Variants in POTEJ observed in about 807,000 individuals in gnomAD.
POTEJ encodes POTE ankyrin domain family member J, also known as POTE ankyrin domain family, member J.
A neutral mutation model predicts 69.0 loss-of-function variants in POTEJ; 11 were observed. The observed-to-expected ratio is 0.16, with a 90% confidence interval of 0.10 to 0.26. POTEJ has a LOEUF of 0.26. POTEJ is among the 10% of genes least tolerant of loss of function. The pLI, the probability that POTEJ is intolerant of heterozygous loss-of-function variation, is 1.00. For synonymous variants in POTEJ, 117 were observed against 381.1 expected (o/e 0.31, Z 8.07); for missense variants, 327 against 1,045.5 (o/e 0.31, Z 9.48).
At chr2:130,641,821 C>A (rs1244930909) in intron 10 of POTEJ, among the ~76,000 whole-genome samples, 1 of 152,218 alleles carries the variant, frequency 6.6e-6, no homozygotes, top group African/African-American at 2.4e-5. Flanking sequence ...AGTAATAAGA[C>A]TTGTCAAAGA....
chr2:130,639,310 C>G (rs1686244265), intron 10 of POTEJ, among the ~76,000 whole-genome samples: 2 of 152,310 alleles, frequency 1.3e-5, no homozygotes, highest in Admixed American at 1.3e-4. Context: ...CACAAAAGAA[C>G]AGTGAAGCAC....
Position 130,648,795 on chromosome 2 carries a change from T to G in POTEJ, c.1667+2485T>G, listed in dbSNP as rs1468191995. On this transcript the variant is annotated intron_variant, in intron 13 of 14. Coordinates refer to ENST00000409602, the MANE Select transcript of POTEJ (RefSeq NM_001277083.2). ...TCTTTCTCATAGTTTTTTTTTTTTT[T>G]TTTTTTTTTTTTTTTAAGACAGAGT... Among the ~76,000 whole-genome samples the G allele has an allele frequency of 1.0e-3, 109 of 108,984 alleles. 1 individual carries two copies. Among genetic ancestry groups the G allele is most frequent in the Middle Eastern group, 4.3e-3 (1 of 234 alleles). The allele number at this position is 108,984 out of a possible 152,430, so 71.5% of individuals were successfully genotyped here.
At position 130,627,094 on chromosome 2, in the gene POTEJ, TGGATG is replaced by T. The variant is rs1573976615; in HGVS notation, c.1016-2854_1016-2850del. Among the ~76,000 whole-genome samples, 4 of 152,230 alleles carry T rather than the reference TGGATG, an allele frequency of 2.6e-5. No individual in the cohort carries two copies. In the East Asian group the frequency reaches 7.7e-4, roughly 29 times the overall value. The stretch of plus-strand genomic sequence containing the variant: ...CCAGGTTGTACAGTAGTATTTAACC[TGGATG>T]TGAGGAAGAAGGAGGAAATTTTCTG... On this transcript the variant is annotated intron_variant, in intron 6 of 14. Coordinates refer to ENST00000409602, the MANE Select transcript of POTEJ (RefSeq NM_001277083.2).
At chr2:130,624,364 A>C (rs1249283694) in intron 6 of POTEJ, among the ~76,000 whole-genome samples, 1 of 141,224 alleles carries the variant, frequency 7.1e-6, no homozygotes, top group African/African-American at 3.0e-5. Flanking sequence ...GGAAGCTCTG[A>C]ACTAATTTTT....
chr2:130,613,338 A>ATATATATACATATGTATATATACG (rs1685302828), intron 1 of POTEJ, among the ~76,000 whole-genome samples: 1 of 128,754 alleles, frequency 7.8e-6, no homozygotes, highest in Non-Finnish European at 1.5e-5. Flanking sequence ...GTATATATAC[A>ATATATATACATATGTATATATACG]TATATATGTG....
chr2:130,622,956 GA>G (rs1166631382), intron 5 of POTEJ: 2 of 144,340 alleles, frequency 1.4e-5, no homozygotes, highest in African/African-American at 2.8e-5. Context: ...GCAGTCACTG[GA>G]AGGTCATTTG....
chr2:130,622,954 T>C (rs1474527146), intron 5 of POTEJ: 1 of 144,340 alleles, frequency 6.9e-6, no homozygotes, highest in Non-Finnish European at 1.5e-5. Context: ...GTGCAGTCAC[T>C]GGAAGGTCAT....
intron 10 of POTEJ, among the ~76,000 whole-genome samples, chr2:130,639,309 A>G (rs1686244158): frequency 6.6e-6 from 1 of 152,308 alleles, no homozygotes; most frequent in Admixed American, 6.5e-5. Context: ...TCACAAAAGA[A>G]CAGTGAAGCA....
intron 1 of POTEJ, among the ~76,000 whole-genome samples, chr2:130,613,235 CAT>C (rs1165779011): frequency 8.0e-6 from 1 of 125,320 alleles, no homozygotes; most frequent in Non-Finnish European, 1.8e-5. Context: ...GATATATATA[CAT>C]ATATATACAT....
At chr2:130,640,570 C>A (rs1184992531) in intron 10 of POTEJ, among the ~76,000 whole-genome samples, 1 of 151,812 alleles carries the variant, frequency 6.6e-6, no homozygotes, top group African/African-American at 2.4e-5. Context: ...CGTCTCCTTT[C>A]GTGGTTGGCT....
At chr2:130,632,910 G>T (rs1685958428) in intron 9 of POTEJ, among the ~76,000 whole-genome samples, 1 of 146,792 alleles carries the variant, frequency 6.8e-6, no homozygotes. Context: ...TTTTCTTTTA[G>T]TTTCAGGGGT....
intron 1 of POTEJ, among the ~76,000 whole-genome samples, chr2:130,613,625 A>T: frequency 7.4e-6 from 1 of 134,480 alleles, no homozygotes; most frequent in African/African-American, 3.2e-5. Context: ...CAGGTCTTGA[A>T]CTCCTGTCCT....
At position 130,650,067 on chromosome 2, in the gene POTEJ, C is replaced by T. The variant is rs575400069; in HGVS notation, c.1667+3757C>T. On this transcript the variant is annotated intron_variant, in intron 13 of 14. Transcript: ENST00000409602. The stretch of plus-strand genomic sequence containing the variant: ...GAATTAGGATTGTATCATCAGGACA[C>T]GTCAGGCTTCAGATTCAATTGGGAA... Among the ~76,000 whole-genome samples, 10 of 152,378 alleles carry T rather than the reference C, an allele frequency of 6.6e-5. No homozygotes were observed. The South Asian group carries it at 8.3e-4, about 13-fold the overall frequency.
intron 13 of POTEJ, among the ~76,000 whole-genome samples, chr2:130,650,085 A>G (rs1234645795): frequency 6.6e-6 from 1 of 152,276 alleles, no homozygotes; most frequent in Non-Finnish European, 1.5e-5. Context: ...TTCAGATTCA[A>G]TTGGGAACAT....
At chr2:130,636,766 G>A in intron 9 of POTEJ, among the ~76,000 whole-genome samples, 1 of 148,026 alleles carries the variant, frequency 6.8e-6, no homozygotes, top group Non-Finnish European at 1.5e-5. Context: ...AGTTTATCCT[G>A]TGTATATTGT....
At chr2:130,642,261 C>T (rs1451791540) in intron 10 of POTEJ, among the ~76,000 whole-genome samples, 8 of 121,118 alleles carry the variant, frequency 6.6e-5, no homozygotes, top group African/African-American at 2.4e-4. Flanking sequence ...CAGGATTATA[C>T]TTAGAATTTA....
rs1409830842 is a variant in POTEJ at position 130,613,353 on chromosome 2, T to C, written c.410+1411T>C. Among the ~76,000 whole-genome samples the C allele has an allele frequency of 3.7e-5, 5 of 134,010 alleles. No individual in the cohort carries two copies. In the East Asian group the frequency reaches 1.0e-3, roughly 28 times the overall value. 87.9% of individuals were successfully genotyped at this position (134,010 alleles called of 152,430 possible). A position where few individuals can be genotyped will look rare whatever the true frequency, so the allele number is the denominator to read the frequency against. On this transcript the variant is annotated intron_variant, in intron 1 of 14. Coordinates refer to ENST00000409602, the MANE Select transcript of POTEJ (RefSeq NM_001277083.2). ...GTATATATACATATATATGTGTGTG[T>C]ATATATATACATATATATGTGTGTG...
At chr2:130,629,515 T>C (rs1296219206) in intron 6 of POTEJ, among the ~76,000 whole-genome samples, 4,381 of 87,838 alleles carry the variant, frequency 0.05, 48 homozygotes, top group African/African-American at 0.13. Context: ...GCTCTGGCTT[T>C]TCAGGCAGGG....
intron 11 of POTEJ, among the ~76,000 whole-genome samples, chr2:130,645,236 C>T (rs1185762203): frequency 2.6e-4 from 3 of 11,486 alleles, no homozygotes; most frequent in African/African-American, 6.8e-4. Context: ...GTGTTGATTT[C>T]GGCTCCTAAT....
Sources: gnomAD v4.1 joint callset for allele counts (sites outside exome capture counted in the v4.1 genomes callset) on GRCh38, gnomAD v4.1.1 for gene constraint, MANE v1.5 for transcripts, NCBI Gene and HGNC (gene_info 2026-07-23, HGNC 2026-07-21) for gene names.